Variants in L3MBTL4 observed in about 807,000 individuals in gnomAD.
The protein encoded by L3MBTL4 is L3MBTL histone methyl-lysine binding protein 4.
L3MBTL4 carries 70 observed loss-of-function variants against 84.5 expected under a neutral mutation model. The ratio of observed to expected loss-of-function variants is 0.83; its 90% CI spans 0.68 to 1.01. L3MBTL4 has a LOEUF of 1.01. L3MBTL4 is among the 50% of genes least tolerant of loss of function. The pLI is 0.00. For synonymous variants in L3MBTL4, 274 were observed against 259.8 expected, an observed-to-expected ratio of 1.05 and a Z score of -0.52; for missense variants, 715 against 754.8, an observed-to-expected ratio of 0.95 and a Z score of 0.62.
At chr18:6,224,479 G>A (rs1284907518) in intron 10 of L3MBTL4, among the ~76,000 whole-genome samples, 1 of 152,172 alleles carries the variant, frequency 6.6e-6, no homozygotes, top group African/African-American at 2.4e-5. Context: ...CATCCCTCAT[G>A]CATTAAGGCA....
Position 6,080,942 on chromosome 18 carries a change from C to A in L3MBTL4, c.1383G>T (p.Gln461His). The A allele has an allele frequency of 6.2e-7, 1 of 1,603,404 alleles. No homozygotes were observed. The highest frequency in any genetic ancestry group is 2.2e-5 in the East Asian group (1 of 44,780). The change falls in exon 16 of 19, where the codon CAG (glutamine) becomes CAT (histidine). Residue 461 changes from glutamine to histidine, a missense_variant. Physicochemically the swap from Gln to His is conservative, Grantham distance 24 (BLOSUM62 0). Transcript: ENST00000317931. ...EKVNSQPRLV[Q>H]QAKCLKIKGK... Reference sequence around the variant, plus strand: ...CTTTGATTTTCAAACACTTTGCCTGCTGTACAAGTCTGGGCAAAGAACAGA... The same window carrying A: ...CTTTGATTTTCAAACACTTTGCCTGATGTACAAGTCTGGGCAAAGAACAGA...
At chr18:6,305,777 T>C (rs996735456) in intron 3 of L3MBTL4, among the ~76,000 whole-genome samples, 13 of 152,238 alleles carry the variant, frequency 8.5e-5, no homozygotes, top group Non-Finnish European at 1.9e-4. Context: ...AATGTTCTGT[T>C]CCCTCCTGCT....
At chr18:6,188,065 T>A (rs977962276) in intron 12 of L3MBTL4, among the ~76,000 whole-genome samples, 10 of 152,010 alleles carry the variant, frequency 6.6e-5, no homozygotes, top group African/African-American at 2.4e-4. Context: ...CTTATGTTCC[T>A]GATGTTCCTG....
chr18:6,159,460 T>C lies in L3MBTL4; in HGVS notation c.1096+12368A>G, dbSNP rs116188118. On this transcript the variant is annotated intron_variant, in intron 13 of 18. Transcript: ENST00000317931. ...GTCCTAGGATTCCATCAGTTTCATA[T>C]TCCACACCCCTATCTTTGGTGACTA... Among the ~76,000 whole-genome samples, 859 of 152,310 alleles carry C rather than the reference T, an allele frequency of 5.6e-3. 13 individuals carry two copies. The highest frequency in any genetic ancestry group is 0.019 in the African/African-American group (796 of 41,578).
chr18:6,361,947 T>C (rs2053714657), intron 1 of L3MBTL4, among the ~76,000 whole-genome samples: 1 of 151,588 alleles, frequency 6.6e-6, no homozygotes, highest in African/African-American at 2.4e-5. Context: ...GAGACCCCCA[T>C]CCCTACTAAA....
At chr18:6,313,829 A>G (rs1273257574) in intron 1 of L3MBTL4, among the ~76,000 whole-genome samples, 4 of 152,124 alleles carry the variant, frequency 2.6e-5, no homozygotes, top group Non-Finnish European at 5.9e-5. Flanking sequence ...TATATCAGGA[A>G]AAAAAAATGA....
intron 4 of L3MBTL4, among the ~76,000 whole-genome samples, chr18:6,270,191 G>C (rs2048806765): frequency 6.6e-6 from 1 of 152,154 alleles, no homozygotes; most frequent in Non-Finnish European, 1.5e-5. Context: ...GATCACTGCT[G>C]AACAATACCC....
chr18:6,325,160 C>A (rs967501399), intron 1 of L3MBTL4, among the ~76,000 whole-genome samples: 2 of 151,718 alleles, frequency 1.3e-5, no homozygotes, highest in Admixed American at 1.3e-4. Flanking sequence ...AGCAATTACA[C>A]AAAATTAAGA....
intron 1 of L3MBTL4, among the ~76,000 whole-genome samples, chr18:6,313,774 C>T (rs1393491451): frequency 6.6e-6 from 1 of 152,018 alleles, no homozygotes; most frequent in Non-Finnish European, 1.5e-5. Context: ...TCTCAATAAC[C>T]TTGATTTGTT....
rs113570185 is a variant in L3MBTL4, at chr18:6,069,444, T to TC, written c.1444+11436dup. Among the ~76,000 whole-genome samples the TC allele has an allele frequency of 3.7e-4, 57 of 152,174 alleles. 2 individuals are homozygous for TC. Among genetic ancestry groups the TC allele is most frequent in the African/African-American group, 1.4e-3 (57 of 41,516 alleles). ...TGCAGGAAAGTGTTGTTTTTTTTTT[T>TC]CCTCAGGTGACAGGCAGGGCTATAA... is the stretch of plus-strand genomic sequence containing the variant. On this transcript the variant is annotated intron_variant, in intron 16 of 18. Coordinates refer to ENST00000317931, the MANE Select transcript of L3MBTL4 (RefSeq NM_001330559.2).
At chr18:6,369,564 G>T (rs1268197976) in intron 1 of L3MBTL4, among the ~76,000 whole-genome samples, 1 of 152,182 alleles carries the variant, frequency 6.6e-6, no homozygotes, top group Non-Finnish European at 1.5e-5. Flanking sequence ...AAACAGAAAA[G>T]AGCTCAGATA....
At chr18:6,001,350 G>A (rs1006830682) in intron 16 of L3MBTL4, among the ~76,000 whole-genome samples, 2 of 152,224 alleles carry the variant, frequency 1.3e-5, no homozygotes, top group Admixed American at 6.5e-5. Context: ...AGGGAATTTA[G>A]TAAGTCACCA....
At chr18:6,063,750 A>G (rs975946328) in intron 16 of L3MBTL4, among the ~76,000 whole-genome samples, 2 of 151,788 alleles carry the variant, frequency 1.3e-5, no homozygotes, top group Non-Finnish European at 2.9e-5. Context: ...TAAATTCTGG[A>G]TACTAGTCCT....
intron 12 of L3MBTL4, among the ~76,000 whole-genome samples, chr18:6,191,171 T>G (rs898658465): frequency 6.6e-6 from 1 of 152,188 alleles, no homozygotes; most frequent in African/African-American, 2.4e-5. Context: ...CCTGGCTGCT[T>G]CTTTGAGAGA....
chr18:6,387,908 C>T (rs1330345213), intron 1 of L3MBTL4, among the ~76,000 whole-genome samples: 3 of 152,050 alleles, frequency 2.0e-5, no homozygotes, highest in East Asian at 1.9e-4. Flanking sequence ...CCCATGCAAA[C>T]GTCAACAAAA....
rs1410375418 is a variant in L3MBTL4, at chr18:6,294,650, G to A, written c.127+7253C>T. Among the ~76,000 whole-genome samples the A allele has an allele frequency of 9.2e-5, 14 of 152,240 alleles. No individual in the cohort carries two copies. The South Asian group carries it at 2.1e-3, about 23-fold the overall frequency. The stretch of plus-strand genomic sequence containing the variant: ...AGTGCACTGCCTACAGGGCTTGAAG[G>A]CTTCCCAAATGTCTCCACTAGAACT... On this transcript the variant is annotated intron_variant, in intron 4 of 18. Transcript: ENST00000317931.
intron 13 of L3MBTL4, among the ~76,000 whole-genome samples, chr18:6,141,108 A>G (rs9953659): frequency 0.017 from 2,563 of 150,464 alleles, 81 homozygotes; most frequent in African/African-American, 0.058. Flanking sequence ...TGCTTGCGGA[A>G]TAAGTATTTA....
chr18:6,175,155 C>T (rs2044169954), intron 12 of L3MBTL4, among the ~76,000 whole-genome samples: 1 of 152,044 alleles, frequency 6.6e-6, no homozygotes, highest in African/African-American at 2.4e-5. Flanking sequence ...AAAATGAAAG[C>T]TAAAGGGAAA....
At chr18:6,138,772 G>T (rs1027975749) in intron 13 of L3MBTL4, among the ~76,000 whole-genome samples, 1 of 152,096 alleles carries the variant, frequency 6.6e-6, no homozygotes, top group African/African-American at 2.4e-5. Context: ...GGCTGGTCTC[G>T]AACTCCTGAC....
Sources: gnomAD v4.1 joint callset for allele counts (sites outside exome capture counted in the v4.1 genomes callset) on GRCh38, gnomAD v4.1.1 for gene constraint, MANE v1.5 for transcripts, NCBI Gene and HGNC (gene_info 2026-07-23, HGNC 2026-07-21) for gene names.